SGCA: variants seen among roughly 807,000 people sequenced by gnomAD.
SGCA encodes sarcoglycan alpha.
SGCA carries 34 observed loss-of-function variants against 38.1 expected under a neutral mutation model. That is an observed-to-expected ratio of 0.89 (90% confidence interval 0.68 to 1.19). The LOEUF (loss-of-function observed/expected upper bound fraction) is 1.19, where lower values mean the gene tolerates loss of function less well. SGCA is among the 50% of genes most tolerant of loss of function. The pLI is 0.00. For missense variants in SGCA, 476 were observed against 524.9 expected (o/e 0.91, Z 0.91); for synonymous variants, 209 against 214.6 (o/e 0.97, Z 0.23).
intron 6 of SGCA, 177 bp from the exon 7 acceptor site, chr17:50,169,966 C>A: frequency 1.5e-6 from 1 of 664,446 alleles, no homozygotes. Context: ...AAGCACTTGT[C>A]TGAGTCTGGA....
At chr17:50,174,342 AAACAT>A (rs1905744346) in intron 8 of SGCA, among the ~76,000 whole-genome samples, 1 of 152,000 alleles carries the variant, frequency 6.6e-6, no homozygotes, top group Non-Finnish European at 1.5e-5. Flanking sequence ...AATAATATAA[AAACAT>A]AATATAAAGC....
chr17:50,175,849 T>C lies in SGCA; in HGVS notation c.*150T>C, dbSNP rs934721276. On this transcript the variant is annotated 3_prime_UTR_variant, in exon 10 of 10. Coordinates refer to ENST00000262018, the MANE Select transcript of SGCA (RefSeq NM_000023.4). ...AGCAGGGAGAGGGGGTGGGGTGGGGTGAGAGTGTGTGGAGTAAGGACATTC... is the reference window on the plus strand; with the variant it reads ...AGCAGGGAGAGGGGGTGGGGTGGGGCGAGAGTGTGTGGAGTAAGGACATTC... 4.2e-6 allele frequency: 2 copies of C among 471,558 alleles called. No individual in the cohort carries two copies. Among genetic ancestry groups the C allele is most frequent in the East Asian group, 1.3e-4 (2 of 15,264 alleles). The allele number at this position is 471,558 out of a possible 1,614,324, so 29.2% of individuals were successfully genotyped here. A position where few individuals can be genotyped will look rare whatever the true frequency, so the allele number is the denominator to read the frequency against.
intron 1 of SGCA, 97 bp downstream of exon 1, chr17:50,166,174 C>G: frequency 9.2e-7 from 1 of 1,082,766 alleles, no homozygotes; most frequent in South Asian, 1.3e-5. Flanking sequence ...GAAGAGGGAT[C>G]TGGGTTGGGT....
chr17:50,169,120 C>T lies in SGCA; in HGVS notation c.613C>T (p.Pro205Ser), dbSNP rs1265818021. The T allele has an allele frequency of 6.2e-7, 1 of 1,613,960 alleles. No individual in the cohort carries two copies. Among genetic ancestry groups the T allele is most frequent in the South Asian group, 1.1e-5 (1 of 91,088 alleles). Reference sequence around the variant, plus strand: ...ATACATTAAGGTGGGTTCTGCCTCACCTTTTTCTACTTGCCTGAAGATGGT... The same window carrying T: ...ATACATTAAGGTGGGTTCTGCCTCATCTTTTTCTACTTGCCTGAAGATGGT... The part of the protein sequence containing the change: ...GVYIKVGSAS[P>S]FSTCLKMVAS... The change falls in exon 6 of 10, where the codon CCT becomes TCT. Residue 205 changes from proline to serine, a missense_variant. Coordinates refer to ENST00000262018, the MANE Select transcript of SGCA (RefSeq NM_000023.4).
At position 50,167,525 on chromosome 17, in the gene SGCA, G is replaced by A. The variant is rs1475238498; in HGVS notation, c.157+38G>A. The A allele has an allele frequency of 6.2e-7, 1 of 1,614,046 alleles. No individual in the cohort carries two copies. On this transcript the variant is annotated intron_variant, in intron 2 of 9. Coordinates refer to ENST00000262018, the MANE Select transcript of SGCA (RefSeq NM_000023.4). The surrounding 1 kb of genome is among the most constrained non-coding windows in gnomAD (Gnocchi z 4.5). ...ACAGGCACCCAGGCGGGCGGGCTGG[G>A]GTGTACCCCGCAGGGCTCCTGCTGT...
intron 7 of SGCA, 104 bp from the exon 8 acceptor site, chr17:50,170,536 G>A: frequency 7.2e-7 from 1 of 1,393,768 alleles, no homozygotes; most frequent in South Asian, 1.2e-5. Context: ...CACCAGGAGG[G>A]CATTGTGGAT....
Position 50,170,263 on chromosome 17 carries a change from G to A in SGCA, c.868G>A (p.Ala290Thr), listed in dbSNP as rs754687036. Residue 290 changes from alanine to threonine, a missense_variant, in exon 7 of 10, where the codon GCT becomes ACT. Coordinates refer to ENST00000262018, the MANE Select transcript of SGCA (RefSeq NM_000023.4). ...CCCAGACCGTGACTTCTTGGTGGAT[G>A]CTCTGGTCACCCTCCTGGTGCCCCT... is the stretch of plus-strand genomic sequence containing the variant. The part of the protein sequence containing the change: ...EAPDRDFLVD[A>T]LVTLLVPLLV... The A allele has an allele frequency of 6.2e-7, 1 of 1,614,206 alleles. No individual in the cohort carries two copies. Among genetic ancestry groups the A allele is most frequent in the East Asian group, 2.2e-5 (1 of 44,884 alleles).
At position 50,166,023 on chromosome 17, in the gene SGCA, G is replaced by A. The variant is rs115380008; in HGVS notation, c.-18G>A. The A allele has an allele frequency of 2.5e-5, 40 of 1,611,104 alleles. No individual in the cohort carries two copies. The highest frequency in any genetic ancestry group is 3.1e-5 in the Non-Finnish European group (37 of 1,177,572). On this transcript the variant is annotated 5_prime_UTR_variant, in exon 1 of 10. Transcript: ENST00000262018. Reference sequence around the variant, plus strand: ...CCCCTGTCTCTGTCACTCACCGGGCGGGCCAGGCCGGGCAGCCATGGCTGA... The same window carrying A: ...CCCCTGTCTCTGTCACTCACCGGGCAGGCCAGGCCGGGCAGCCATGGCTGA...
rs780981677 is a variant in SGCA, at chr17:50,170,181, C to T, written c.786C>T (p.Pro262=). The change falls in exon 7 of 10, where the codon CCC becomes CCT. Residue 262 remains proline (P), a synonymous_variant. Transcript: ENST00000262018. Reference sequence around the variant, plus strand: ...TGCCGGAGCCTGCAGATGAGGTGCCCACCCCAGGTGATGGGATCCTGGAGC... The same window carrying T: ...TGCCGGAGCCTGCAGATGAGGTGCCTACCCCAGGTGATGGGATCCTGGAGC... ...KSVPEPADEV[P]TPGDGILEHD... is the part of the protein sequence containing the mutation. 2.5e-6 allele frequency: 4 copies of T among 1,614,166 alleles called. No individual in the cohort carries two copies. The highest frequency in any genetic ancestry group is 1.1e-5 in the South Asian group (1 of 91,076).
Position 50,167,706 on chromosome 17 carries a change from C to T in SGCA, c.282C>T (p.Thr94=), listed in dbSNP as rs1028074350. The change falls in exon 3 of 10, where the codon ACC becomes ACT. Residue 94 remains threonine (T), a synonymous_variant. Transcript: ENST00000262018. The surrounding 1 kb of genome is among the most constrained non-coding windows in gnomAD (Gnocchi z 4.5). ...HHPGFLYGSA[T]PEDRGLQVIE... ...CTGGCTTCCTCTACGGCTCTGCCACCCCAGAAGATCGTGGGCTCCAGGTCA... is the reference window on the plus strand; with the variant it reads ...CTGGCTTCCTCTACGGCTCTGCCACTCCAGAAGATCGTGGGCTCCAGGTCA... 5 of 1,612,770 alleles carry T rather than the reference C, an allele frequency of 3.1e-6. No homozygotes were observed. The highest frequency in any genetic ancestry group is 4.2e-6 in the Non-Finnish European group (5 of 1,179,064).
chr17:50,175,257 C>A lies in SGCA; in HGVS notation c.984C>A (p.Asp328Glu), dbSNP rs1445239462. 6.2e-7 allele frequency: 1 copy of A among 1,601,612 alleles called. No homozygotes were observed. Among genetic ancestry groups the A allele is most frequent in the Non-Finnish European group, 8.5e-7 (1 of 1,174,878 alleles). ...GRLKRDLATS[D>E]IQMVHHCTIH... ...GATGACTCCCCACCTGTGCCTCCAGCATCCAGATGGTCCACCACTGCACCA... is the reference window on the plus strand; with the variant it reads ...GATGACTCCCCACCTGTGCCTCCAGAATCCAGATGGTCCACCACTGCACCA... The change falls in exon 9 of 10, where the codon GAC (aspartate) becomes GAA (glutamate). Residue 328 changes from aspartate (D) to glutamate (E), a missense_variant and splice_region_variant. Transcript: ENST00000262018.
intron 8 of SGCA, chr17:50,172,342 G>A (rs1175623293): frequency 2.2e-6 from 1 of 449,966 alleles, no homozygotes; most frequent in East Asian, 7.1e-5. Context: ...GGGAGGGGTG[G>A]ACCGGAGATG....
intron 8 of SGCA, chr17:50,171,846 C>T (rs190749419): frequency 6.6e-6 from 3 of 456,774 alleles, no homozygotes; most frequent in Admixed American, 4.7e-5. Flanking sequence ...TTGCAGGTCC[C>T]CTTGTCCGCC....
chr17:50,175,123 C>T, intron 8 of SGCA, 134 bp from the exon 9 acceptor site: 1 of 847,320 alleles, frequency 1.2e-6, no homozygotes, highest in Non-Finnish European at 1.9e-6. Flanking sequence ...TTGTTTTCTG[C>T]CCCTGCATCA....
chr17:50,172,008 C>A lies in SGCA; in HGVS notation c.983+1342C>A, dbSNP rs1262646680. 1.3e-5 allele frequency: 6 copies of A among 456,470 alleles called. No individual in the cohort carries two copies. The Admixed American group carries it at 1.4e-4, about 11-fold the overall frequency. 28.3% of individuals were successfully genotyped at this position (456,470 alleles called of 1,614,324 possible). A position where few individuals can be genotyped will look rare whatever the true frequency, so the allele number is the denominator to read the frequency against. ...TCAACAGCACTGATGGAGACAGTGG[C>A]GAAGTGCCTTTCTGCTTCTCTCCCT... On this transcript the variant is annotated intron_variant, in intron 8 of 9. Coordinates refer to ENST00000262018, the MANE Select transcript of SGCA (RefSeq NM_000023.4).
At chr17:50,166,346 C>T (rs1266558100) in intron 1 of SGCA, among the ~76,000 whole-genome samples, 2 of 152,058 alleles carry the variant, frequency 1.3e-5, no homozygotes, top group Non-Finnish European at 2.9e-5. Flanking sequence ...CCCAAAGGGT[C>T]GTGGGCCCTT....
At chr17:50,172,186 C>A in intron 8 of SGCA, 1 of 457,028 alleles carries the variant, frequency 2.2e-6, no homozygotes. Context: ...ACCTGTGTGG[C>A]CAGAAAGAGG....
intron 5 of SGCA, among the ~76,000 whole-genome samples, 197 bp downstream of exon 5, chr17:50,168,769 G>A (rs1905141336): frequency 6.6e-6 from 1 of 151,894 alleles, no homozygotes; most frequent in African/African-American, 2.4e-5. Flanking sequence ...TAGTTACCCT[G>A]AACTCTGTAC....
intron 6 of SGCA, 65 bp downstream of exon 6, chr17:50,169,319 TC>T (rs1905182944): frequency 2.9e-6 from 4 of 1,388,990 alleles, no homozygotes; most frequent in Non-Finnish European, 4.0e-6. Context: ...CCCCCTTCCC[TC>T]CCATGCTGCT....
Sources: gnomAD v4.1 joint callset for allele counts (sites outside exome capture counted in the v4.1 genomes callset) on GRCh38, gnomAD v4.1.1 for gene constraint, Gnocchi (gnomAD v3.1) non-coding constraint, MANE v1.5 for transcripts, NCBI Gene and HGNC (gene_info 2026-07-23, HGNC 2026-07-21) for gene names.